The following GUF1 variants were observed in gnomAD, a reference collection of about 807,000 sequenced individuals.
The protein encoded by GUF1 is GTP binding elongation factor GUF1.
In GUF1, 78 loss-of-function variants were observed where a neutral mutation model predicts 82.4. The ratio of observed to expected loss-of-function variants is 0.95; its 90% CI spans 0.79 to 1.14. The LOEUF is 1.14. GUF1 is among the 50% of genes most tolerant of loss of function. The pLI, the probability that GUF1 is intolerant of heterozygous loss-of-function variation, is 0.00. For missense variants in GUF1, 814 were observed against 798.2 expected (o/e 1.02, Z -0.24); for synonymous variants, 279 against 282.3 (o/e 0.99, Z 0.12).
rs1388569412 is a variant in GUF1, at chr4:44,689,829, T to G, written c.1203-14T>G. 2 of 1,590,810 alleles carry G rather than the reference T, an allele frequency of 1.3e-6. No homozygotes were observed. Among genetic ancestry groups the G allele is most frequent in the East Asian group, 2.2e-5 (1 of 44,504 alleles). On this transcript the variant is annotated splice_polypyrimidine_tract_variant and intron_variant, in intron 10 of 16. Transcript: ENST00000281543. Reference sequence around the variant, plus strand: ...GGACATAAACATTTTGGAGTTTGTCTTTTCCTCCCCCAGGCTAGGATTTCT... The same window carrying G: ...GGACATAAACATTTTGGAGTTTGTCGTTTCCTCCCCCAGGCTAGGATTTCT...
rs759790794 is a variant in GUF1, at chr4:44,681,175, G to A, written c.479G>A (p.Gly160Asp). Residue 160 changes from glycine (G) to aspartate (D), a missense_variant, in exon 4 of 17, where the codon GGT (glycine) becomes GAT (aspartate). Transcript: ENST00000281543. ...EVSRSLSACQGVLLVVDANEG... is the reference protein window; with the variant it reads ...EVSRSLSACQDVLLVVDANEG... ...TCCAGGTCACTTTCTGCTTGCCAGG[G>A]TGTTTTACTTGTGGTTGATGCAAAT... 64 of 1,612,760 alleles carry A rather than the reference G, an allele frequency of 4.0e-5. No homozygotes were observed. The highest frequency in any genetic ancestry group is 5.1e-5 in the Non-Finnish European group (60 of 1,179,216).
chr4:44,681,011 AAAG>A (rs1341308410), intron 3 of GUF1, 109 bp from the exon 4 acceptor site: 1 of 1,172,074 alleles, frequency 8.5e-7, no homozygotes, highest in African/African-American at 1.5e-5. Flanking sequence ...AGGCTACAAA[AAAG>A]AAACGAATAT....
At position 44,683,364 on chromosome 4, in the gene GUF1, G is replaced by T. The variant is rs575726606; in HGVS notation, c.669+46G>T. The stretch of plus-strand genomic sequence containing the variant: ...GATTATACTTTGAAAAAAGTCTCAA[G>T]TAATTGGGCTAAGTGAAATTTCATG... On this transcript the variant is annotated intron_variant, in intron 6 of 16. Coordinates refer to ENST00000281543, the MANE Select transcript of GUF1 (RefSeq NM_021927.3). The T allele has an allele frequency of 5.4e-6, 6 of 1,101,468 alleles. No homozygotes were observed. In the East Asian group the frequency reaches 1.1e-4, roughly 19 times the overall value. 68.2% of individuals were successfully genotyped at this position (1,101,468 alleles called of 1,614,324 possible). A position where few individuals can be genotyped will look rare whatever the true frequency, so the allele number is the denominator to read the frequency against.
In GUF1 at chr4:44,695,625, C is replaced by T. The variant is rs201256910; in HGVS notation, c.1726C>T (p.His576Tyr). 5.3e-5 allele frequency: 86 copies of T among 1,609,834 alleles called. 1 individual carries two copies. In the East Asian group the frequency reaches 1.7e-3, roughly 32 times the overall value. Residue 576 changes from histidine to tyrosine, a missense_variant, in exon 15 of 17, where the codon CAT (histidine) becomes TAT (tyrosine). His to Tyr is a moderately conservative substitution (Grantham distance 83). Transcript: ENST00000281543. ...LVTVVHKDKA[H>Y]SIGKAICERL... ...ATTTTTCTGTCTCAGAGACAAAGCT[C>T]ATTCAATTGGCAAAGCCATATGTGA...
In GUF1 at chr4:44,688,099, T is replaced by A; in HGVS notation, c.1031T>A (p.Val344Glu). 1 of 1,612,244 alleles carries A rather than the reference T, an allele frequency of 6.2e-7. No individual in the cohort carries two copies. The highest frequency in any genetic ancestry group is 1.1e-5 in the South Asian group (1 of 91,008). The change falls in exon 9 of 17, where the codon GTG becomes GAG. Residue 344 changes from valine (V) to glutamate (E), a missense_variant. By Grantham distance (121) the Val-to-Glu change is moderately radical. Transcript: ENST00000281543. ...ACATTATGTTTACATAAGCAACCAG[T>A]GGAGCCCTTGCCTGGGTTTAAATCA... is the stretch of plus-strand genomic sequence containing the variant. Reference protein sequence around the residue: ...GDTLCLHKQPVEPLPGFKSAK... With the variant: ...GDTLCLHKQPEEPLPGFKSAK...
chr4:44,696,951 A>G (rs1423018605), intron 15 of GUF1, among the ~76,000 whole-genome samples: 1 of 152,178 alleles, frequency 6.6e-6, no homozygotes, highest in Non-Finnish European at 1.5e-5. Flanking sequence ...TTAGTTTATA[A>G]CTGCTGGGGT....
At position 44,689,937 on chromosome 4, in the gene GUF1, C is replaced by G. The variant is rs1577773300; in HGVS notation, c.1297C>G (p.Pro433Ala). The G allele has an allele frequency of 6.2e-7, 1 of 1,603,948 alleles. No homozygotes were observed. Among genetic ancestry groups the G allele is most frequent in the Non-Finnish European group, 8.5e-7 (1 of 1,173,084 alleles). The change falls in exon 11 of 17, where the codon CCA becomes GCA. Residue 433 changes from proline to alanine, a missense_variant. Coordinates refer to ENST00000281543, the MANE Select transcript of GUF1 (RefSeq NM_021927.3). ...ASVILTTPTV[P>A]YKAVLSSSKL... ...TGTTATTTTAACAACCCCTACTGTT[C>G]CATATAAAGCTGTACTGTCATCATC... is the stretch of plus-strand genomic sequence containing the variant.
chr4:44,692,647 T>C (rs1264127028), intron 13 of GUF1, among the ~76,000 whole-genome samples: 7 of 151,986 alleles, frequency 4.6e-5, no homozygotes, highest in Admixed American at 4.6e-4. Context: ...TTTAACTTTA[T>C]TTAATCATCT....
At position 44,688,081 on chromosome 4, in the gene GUF1, G is replaced by A. The variant is rs763180260; in HGVS notation, c.1013G>A (p.Cys338Tyr). 6 of 1,612,290 alleles carry A rather than the reference G, an allele frequency of 3.7e-6. No homozygotes were observed. In the African/African-American group the frequency reaches 8.0e-5, roughly 22 times the overall value. The change falls in exon 9 of 17, where the codon TGT becomes TAT. Residue 338 changes from cysteine (C) to tyrosine (Y), a missense_variant. Physicochemically the swap from Cys to Tyr is radical, Grantham distance 194. Coordinates refer to ENST00000281543, the MANE Select transcript of GUF1 (RefSeq NM_021927.3). The part of the protein sequence containing the change: ...VTEAQIGDTL[C>Y]LHKQPVEPLP... ...GAAGCGCAAATAGGAGATACATTAT[G>A]TTTACATAAGCAACCAGTGGAGCCC...
In GUF1 at chr4:44,695,643, A is replaced by G. The variant is rs1453474100; in HGVS notation, c.1744A>G (p.Ile582Val). 1.9e-6 allele frequency: 3 copies of G among 1,612,868 alleles called. No individual in the cohort carries two copies. The highest frequency in any genetic ancestry group is 1.1e-5 in the South Asian group (1 of 91,008). ...CAAAGCTCATTCAATTGGCAAAGCC[A>G]TATGTGAACGGCTGAAGGATTCTCT... ...KDKAHSIGKAICERLKDSLPR... is the reference protein window; with the variant it reads ...KDKAHSIGKAVCERLKDSLPR... Residue 582 changes from isoleucine (I) to valine (V), a missense_variant, in exon 15 of 17, where the codon ATA becomes GTA. By Grantham distance (29) the Ile-to-Val change is conservative. Coordinates refer to ENST00000281543, the MANE Select transcript of GUF1 (RefSeq NM_021927.3).
intron 11 of GUF1, among the ~76,000 whole-genome samples, 181 bp downstream of exon 11, chr4:44,690,156 A>T (rs202214953): frequency 2.7e-5 from 1 of 36,856 alleles, no homozygotes; most frequent in Non-Finnish European, 1.1e-4. Flanking sequence ...CTAATGATGA[A>T]GAACTTTTTT....
rs1715264900 is a variant in GUF1 at position 44,689,274 on chromosome 4, T to C, written c.1079-12T>C. 6.4e-7 allele frequency: 1 copy of C among 1,563,804 alleles called. No individual in the cohort carries two copies. The highest frequency in any genetic ancestry group is 8.7e-7 in the Non-Finnish European group (1 of 1,153,556). On this transcript the variant is annotated splice_polypyrimidine_tract_variant and intron_variant, in intron 9 of 16. Coordinates refer to ENST00000281543, the MANE Select transcript of GUF1 (RefSeq NM_021927.3). Reference sequence around the variant, plus strand: ...CTTATCACGTGATAATTAGAAATCATTGTATCCCCAGGAATGTATCCTCTA... The same window carrying C: ...CTTATCACGTGATAATTAGAAATCACTGTATCCCCAGGAATGTATCCTCTA...
In GUF1 at chr4:44,688,280, G is replaced by A. The variant is rs1715192456; in HGVS notation, c.1078+134G>A. The A allele has an allele frequency of 5.7e-6, 5 of 874,810 alleles. No homozygotes were observed. The East Asian group carries it at 1.3e-4, about 22-fold the overall frequency. 54.2% of individuals were successfully genotyped at this position (874,810 alleles called of 1,614,324 possible). A position where few individuals can be genotyped will look rare whatever the true frequency, so the allele number is the denominator to read the frequency against. ...TAATTCCAGCATATTGTTTCACTTT[G>A]TGCTGTTTATCAGTTTATAATTACA... On this transcript the variant is annotated intron_variant, in intron 9 of 16. Transcript: ENST00000281543.
chr4:44,689,491 T>A, intron 10 of GUF1, 82 bp downstream of exon 10: 1 of 1,371,284 alleles, frequency 7.3e-7, no homozygotes, highest in Non-Finnish European at 9.7e-7. Context: ...GAAAGGGAGG[T>A]TTTTAAAAAA....
At chr4:44,691,871 T>C (rs1715469586) in intron 13 of GUF1, 72 bp downstream of exon 13, 3 of 1,018,988 alleles carry the variant, frequency 2.9e-6, no homozygotes, top group Non-Finnish European at 4.2e-6. Context: ...GGTATACTAA[T>C]TCTTCATTTA....
At chr4:44,694,819 T>TG (rs938837012) in intron 14 of GUF1, among the ~76,000 whole-genome samples, 6 of 152,144 alleles carry the variant, frequency 3.9e-5, no homozygotes, top group South Asian at 4.1e-4. Context: ...TGTTTTGTTT[T>TG]TTTTTTAGAT....
At chr4:44,697,382 C>G in intron 15 of GUF1, 26 bp from the exon 16 acceptor site, 2 of 1,505,286 alleles carry the variant, frequency 1.3e-6, no homozygotes, top group Non-Finnish European at 1.8e-6. Context: ...GAATTATGTA[C>G]TTAAACGAAT....
intron 1 of GUF1, 132 bp from the exon 2 acceptor site, chr4:44,680,306 TAGA>T: frequency 1.9e-6 from 1 of 524,364 alleles, no homozygotes. Flanking sequence ...GTCTTTTTCT[TAGA>T]ATAATAATAT....
At chr4:44,694,774 G>A (rs1715684471) in intron 14 of GUF1, among the ~76,000 whole-genome samples, 1 of 149,682 alleles carries the variant, frequency 6.7e-6, no homozygotes, top group Admixed American at 6.7e-5. Context: ...ATTTTATAAT[G>A]ATGGATTTAG....
Sources: gnomAD v4.1 joint callset for allele counts (sites outside exome capture counted in the v4.1 genomes callset) on GRCh38, gnomAD v4.1.1 for gene constraint, MANE v1.5 for transcripts, NCBI Gene and HGNC (gene_info 2026-07-23, HGNC 2026-07-21) for gene names.